The following EYA2 variants were observed in gnomAD, a reference collection of about 807,000 sequenced individuals.
EYA2 encodes EYA transcriptional coactivator and phosphatase 2.
EYA2 carries 31 observed loss-of-function variants against 69.2 expected under a neutral mutation model. The ratio of observed to expected loss-of-function variants is 0.45; its 90% CI spans 0.34 to 0.60. EYA2 has a LOEUF of 0.60. Among genes scored for constraint, EYA2 ranks in the 20% least tolerant of loss-of-function variants. EYA2 has a pLI of 0.02. For missense variants in EYA2, 622 were observed against 701.2 expected, an observed-to-expected ratio of 0.89 and a Z score of 1.28; for synonymous variants, 257 against 279.4, an observed-to-expected ratio of 0.92 and a Z score of 0.80.
intron 1 of EYA2, among the ~76,000 whole-genome samples, chr20:46,964,891 C>CTGA (rs1979682612): frequency 6.6e-6 from 1 of 152,178 alleles, no homozygotes; most frequent in Admixed American, 6.5e-5. Context: ...GGATAATACA[C>CTGA]TGAGTACTCT....
chr20:47,017,342 G>T (rs149259698), intron 5 of EYA2, among the ~76,000 whole-genome samples: 43 of 152,274 alleles, frequency 2.8e-4, no homozygotes, highest in African/African-American at 1.0e-3. Flanking sequence ...ATGGAGTCTT[G>T]CTATGTTGCC....
At chr20:46,963,675 C>CA (rs959313709) in intron 1 of EYA2, among the ~76,000 whole-genome samples, 11 of 151,952 alleles carry the variant, frequency 7.2e-5, no homozygotes, top group South Asian at 4.2e-4. Flanking sequence ...TGATATTTAA[C>CA]AAAAAAAACA....
At chr20:46,996,450 C>T (rs552752264) in intron 2 of EYA2, among the ~76,000 whole-genome samples, 10 of 152,186 alleles carry the variant, frequency 6.6e-5, no homozygotes, top group Non-Finnish European at 1.5e-4. Flanking sequence ...TCAGCATCAC[C>T]TGGAGGCTTC....
intron 1 of EYA2, among the ~76,000 whole-genome samples, chr20:46,932,357 A>G (rs1158893710): frequency 6.6e-6 from 1 of 152,162 alleles, no homozygotes; most frequent in East Asian, 1.9e-4. Flanking sequence ...CAAGTGGTAC[A>G]TGGCTTTAAA....
At chr20:46,966,658 A>C (rs763722385) in intron 1 of EYA2, among the ~76,000 whole-genome samples, 8 of 152,084 alleles carry the variant, frequency 5.3e-5, no homozygotes, top group Non-Finnish European at 1.2e-4. Flanking sequence ...AATACAAAAA[A>C]AATTAGCCGG....
chr20:47,063,985 C>T (rs751294278), intron 5 of EYA2, among the ~76,000 whole-genome samples: 1 of 152,216 alleles, frequency 6.6e-6, no homozygotes, highest in East Asian at 1.9e-4. Context: ...AACAGGGTCT[C>T]ACTCCCATTG....
intron 5 of EYA2, among the ~76,000 whole-genome samples, chr20:47,021,104 C>G (rs1983718734): frequency 6.6e-6 from 1 of 152,200 alleles, no homozygotes; most frequent in Non-Finnish European, 1.5e-5. Context: ...TAGAGCGCAC[C>G]TGGCACAAAC....
intron 10 of EYA2, among the ~76,000 whole-genome samples, chr20:47,156,757 G>A (rs759746813): frequency 2.0e-5 from 3 of 151,938 alleles, no homozygotes; most frequent in Non-Finnish European, 4.4e-5. Context: ...CCCTCCCAGG[G>A]AGTAGACTCC....
intron 5 of EYA2, among the ~76,000 whole-genome samples, chr20:47,063,683 C>T (rs2030997734): frequency 1.3e-5 from 2 of 152,186 alleles, no homozygotes. Flanking sequence ...TTACTTCAGC[C>T]TCTGGTCCTT....
chr20:47,135,818 C>CAAAAAAAAAAAAAAA lies in EYA2; in HGVS notation c.889-7232_889-7218dup, dbSNP rs1201324879. ...GCAACATAAGGAGACCCTGTCTCTACAAAAAAAAAAAAAAAAAAAAAAACA... is the reference window on the plus strand; with the variant it reads ...GCAACATAAGGAGACCCTGTCTCTACAAAAAAAAAAAAAAAAAAAAAAAAAAAAAAAAAAAAAACA... On this transcript the variant is annotated intron_variant, in intron 9 of 15. Coordinates refer to ENST00000327619, the MANE Select transcript of EYA2 (RefSeq NM_005244.5). Among the ~76,000 whole-genome samples the CAAAAAAAAAAAAAAA allele has an allele frequency of 2.1e-3, 70 of 33,168 alleles. 2 individuals carry two copies. The highest frequency in any genetic ancestry group is 2.8e-3 in the Non-Finnish European group (51 of 18,066). The allele number at this position is 33,168 out of a possible 152,430, so 21.8% of individuals were successfully genotyped here. A position where few individuals can be genotyped will look rare whatever the true frequency, so the allele number is the denominator to read the frequency against.
chr20:46,908,325 G>A (rs764586920), intron 1 of EYA2, among the ~76,000 whole-genome samples: 22 of 152,212 alleles, frequency 1.4e-4, no homozygotes, highest in Non-Finnish European at 2.4e-4. Flanking sequence ...ACGAGAACAT[G>A]CCCAGGGGAG....
chr20:47,093,126 C>T (rs1369584677), intron 8 of EYA2, among the ~76,000 whole-genome samples: 1 of 152,234 alleles, frequency 6.6e-6, no homozygotes, highest in Non-Finnish European at 1.5e-5. Flanking sequence ...GATGACAGAA[C>T]TCCCAAACTA....
At chr20:46,914,258 C>T (rs1984790961) in intron 1 of EYA2, among the ~76,000 whole-genome samples, 1 of 152,180 alleles carries the variant, frequency 6.6e-6, no homozygotes, top group African/African-American at 2.4e-5. Context: ...GTAGAACTCA[C>T]ACTTAAAAAA....
At position 47,179,882 on chromosome 20, in the gene EYA2, C is replaced by T; in HGVS notation, c.1283C>T (p.Ser428Phe). The T allele has an allele frequency of 6.2e-7, 1 of 1,614,064 alleles. No homozygotes were observed. Among genetic ancestry groups the T allele is most frequent in the Non-Finnish European group, 8.5e-7 (1 of 1,179,994 alleles). The change falls in exon 13 of 16, where the codon TCC becomes TTC. Residue 428 changes from serine to phenylalanine, a missense_variant. Physicochemically the swap from Ser to Phe is radical, Grantham distance 155. This residue lies in a region of EYA2 where 257 missense variants were observed against 351.5 expected (regional missense o/e 0.73). Transcript: ENST00000327619. ...EALTDLWLTH[S>F]LKALNLINSR... ...CTCACAGACCTCTGGCTGACCCACT[C>T]CCTGAAGGCACTAAACCTCATCAAC...
chr20:47,033,058 A>G (rs1984508229), intron 5 of EYA2, among the ~76,000 whole-genome samples: 1 of 152,194 alleles, frequency 6.6e-6, no homozygotes, highest in Non-Finnish European at 1.5e-5. Flanking sequence ...TGCAGCCTGT[A>G]AGAACTGGCA....
Position 47,188,098 on chromosome 20 carries a change from G to A in EYA2, c.1582G>A (p.Ala528Thr), listed in dbSNP as rs1282434845. The A allele has an allele frequency of 6.3e-7, 1 of 1,587,312 alleles. No individual in the cohort carries two copies. The change falls in exon 16 of 16, where the codon GCA (alanine) becomes ACA (threonine). Residue 528 changes from alanine (A) to threonine (T), a missense_variant. By Grantham distance (58) the Ala-to-Thr change is moderately conservative. Transcript: ENST00000327619. ...GATATCCTGCCACGCAGACCTGGAG[G>A]CACTGAGGCACGCCCTGGAGCTGGA... is the stretch of plus-strand genomic sequence containing the variant. The part of the protein sequence containing the change: ...WRISCHADLE[A>T]LRHALELEYL
At chr20:46,944,522 C>T (rs1271360256) in intron 1 of EYA2, among the ~76,000 whole-genome samples, 1 of 152,062 alleles carries the variant, frequency 6.6e-6, no homozygotes, top group Non-Finnish European at 1.5e-5. Context: ...CACCAGTGTC[C>T]CTGCATCTTC....
intron 5 of EYA2, among the ~76,000 whole-genome samples, chr20:47,060,780 C>T (rs934723227): frequency 2.0e-5 from 3 of 152,002 alleles, no homozygotes; most frequent in South Asian, 4.1e-4. Flanking sequence ...TGGATGCTGC[C>T]GGCCTCGGAC....
At chr20:47,075,812 C>T (rs933872652) in intron 7 of EYA2, among the ~76,000 whole-genome samples, 1 of 152,154 alleles carries the variant, frequency 6.6e-6, no homozygotes, top group Non-Finnish European at 1.5e-5. Flanking sequence ...AGATAATCAG[C>T]ACAATACCCA....
Sources: gnomAD v4.1 joint callset for allele counts (sites outside exome capture counted in the v4.1 genomes callset) on GRCh38, gnomAD v4.1.1 for gene constraint, gnomAD v4.1.1 regional missense constraint, MANE v1.5 for transcripts, NCBI Gene and HGNC (gene_info 2026-07-23, HGNC 2026-07-21) for gene names.